The following NADK variants were observed in gnomAD, a reference collection of about 807,000 sequenced individuals.
NADK encodes the protein NAD kinase.
A neutral mutation model predicts 49.8 loss-of-function variants in NADK; 22 were observed. The observed-to-expected ratio is 0.44, with a 90% CI of 0.32 to 0.63. NADK has a LOEUF of 0.63. NADK is among the 30% of genes least tolerant of loss of function. NADK has a pLI of 0.06. For missense variants in NADK, 438 were observed against 609.4 expected (o/e 0.72, Z 2.96); for synonymous variants, 268 against 253.7 (o/e 1.06, Z -0.54).
intron 3 of NADK, among the ~76,000 whole-genome samples, chr1:1,757,574 G>A (rs1021421077): frequency 2.0e-5 from 3 of 151,756 alleles, no homozygotes; most frequent in African/African-American, 4.8e-5. Context: ...CGGGCACCAC[G>A]CTGACCCAAG....
At chr1:1,753,782 G>A (rs909594130) in intron 10 of NADK, 133 bp from the exon 11 acceptor site, 42 of 847,418 alleles carry the variant, frequency 5.0e-5, no homozygotes, top group Admixed American at 1.7e-4. Flanking sequence ...TGCAGTGCAC[G>A]TCCTACAGGC....
intron 7 of NADK, among the ~76,000 whole-genome samples, chr1:1,755,129 T>TG (rs1039148229): frequency 5.3e-5 from 8 of 152,292 alleles, no homozygotes; most frequent in African/African-American, 1.9e-4. Context: ...GACACTTCTG[T>TG]GCCTTCTGAG....
chr1:1,761,962 G>A lies in NADK; in HGVS notation c.253C>T (p.Gln85Ter). The A allele has an allele frequency of 6.2e-7, 1 of 1,613,858 alleles. No individual in the cohort carries two copies. Among genetic ancestry groups the A allele is most frequent in the Non-Finnish European group, 8.5e-7 (1 of 1,179,880 alleles). Residue 85 changes from glutamine (Q) to a stop codon, truncating the protein, a stop_gained, in exon 3 of 12, where the codon CAG (glutamine) becomes TAG (stop). Transcript: ENST00000341426. LOFTEE classifies it high-confidence loss of function. ...GGCCCCAGCACTCACATGATGGTCTGGGGGTTCTGCAGCACACAGGCCTTT... is the reference window on the plus strand; with the variant it reads ...GGCCCCAGCACTCACATGATGGTCTAGGGGTTCTGCAGCACACAGGCCTTT... ...GPKACVLQNP[Q>*]TIMHIQDPAS...
At chr1:1,777,703 A>G (rs372008120) in intron 1 of NADK, among the ~76,000 whole-genome samples, 2 of 151,848 alleles carry the variant, frequency 1.3e-5, no homozygotes, top group African/African-American at 4.8e-5. Flanking sequence ...CACAATTAAG[A>G]AAAAAAACGA....
intron 2 of NADK, among the ~76,000 whole-genome samples, chr1:1,764,643 G>A (rs1239366326): frequency 3.3e-5 from 5 of 152,106 alleles, no homozygotes; most frequent in Admixed American, 6.6e-5. Flanking sequence ...GGCTTGCACC[G>A]GTAATCCCAG....
chr1:1,759,827 G>A (rs758412133), intron 3 of NADK: 33 of 1,552,008 alleles, frequency 2.1e-5, no homozygotes, highest in African/African-American at 9.6e-5. Context: ...GCACCTGTCC[G>A]GTGACCCCGC....
intron 10 of NADK, among the ~76,000 whole-genome samples, 170 bp downstream of exon 10, chr1:1,753,881 G>A (rs1196644825): frequency 6.6e-6 from 1 of 152,222 alleles, no homozygotes; most frequent in Non-Finnish European, 1.5e-5. Context: ...CAGAACTCGG[G>A]CACCAGCAAG....
At chr1:1,775,269 C>A (rs1431714318) in intron 1 of NADK, among the ~76,000 whole-genome samples, 2 of 152,172 alleles carry the variant, frequency 1.3e-5, no homozygotes, top group East Asian at 3.8e-4. Flanking sequence ...GTCACACACA[C>A]ACAAATACAA....
rs190339295 is a variant in NADK at position 1,765,505 on chromosome 1, T to C, written c.-40-59A>G. On this transcript the variant is annotated intron_variant, in intron 1 of 11. Coordinates refer to ENST00000341426, the MANE Select transcript of NADK (RefSeq NM_023018.5). ...TAAATAAATATGTATGAAACAATAATAATTTACACATACATATGTTCCATT... is the reference window on the plus strand; with the variant it reads ...TAAATAAATATGTATGAAACAATAACAATTTACACATACATATGTTCCATT... The C allele has an allele frequency of 1.2e-4, 100 of 853,566 alleles. No homozygotes were observed. In the African/African-American group the frequency reaches 1.6e-3, roughly 13 times the overall value. The allele number at this position is 853,566 out of a possible 1,614,324, so 52.9% of individuals were successfully genotyped here.
In NADK at chr1:1,756,299, CCAGG is replaced by C; in HGVS notation, c.540_543del (p.Cys180TrpfsTer32). The C allele has an allele frequency of 6.2e-7, 1 of 1,614,190 alleles. No individual in the cohort carries two copies. The highest frequency in any genetic ancestry group is 1.1e-5 in the South Asian group (1 of 91,090). On this transcript the variant is annotated frameshift_variant, in exon 6 of 12. Transcript: ENST00000341426. LOFTEE classifies it high-confidence loss of function. ...GCGTACAGCAGCGTCCCGTCTCCCC[CCAGG>C]CAGATGATGAAGTCTATCTGATTGG...
intron 3 of NADK, chr1:1,758,792 G>C (rs2100306599): frequency 2.2e-6 from 1 of 454,016 alleles, no homozygotes; most frequent in East Asian, 1.5e-4. Flanking sequence ...GCTCCTAACT[G>C]AGCCGGGTGG....
intron 1 of NADK, among the ~76,000 whole-genome samples, chr1:1,769,233 C>T (rs1645973831): frequency 6.6e-6 from 1 of 152,196 alleles, no homozygotes; most frequent in Non-Finnish European, 1.5e-5. Flanking sequence ...GCCTGGCCAA[C>T]ATGATGAAAC....
In NADK at chr1:1,752,556, C is replaced by T. The variant is rs1254179710; in HGVS notation, c.*348G>A. 9.2e-6 allele frequency: 2 copies of T among 216,698 alleles called. No individual in the cohort carries two copies. The highest frequency in any genetic ancestry group is 1.1e-4 in the East Asian group (1 of 9,486). The allele number at this position is 216,698 out of a possible 1,614,324, so 13.4% of individuals were successfully genotyped here. ...TTATTATCAACATTGAAGGACAGGT[C>T]GAGTCATTCTGACTCCTCTGAATTT... On this transcript the variant is annotated 3_prime_UTR_variant, in exon 12 of 12. Transcript: ENST00000341426.
intron 1 of NADK, among the ~76,000 whole-genome samples, chr1:1,772,661 C>T (rs1244877217): frequency 6.6e-6 from 1 of 151,834 alleles, no homozygotes; most frequent in South Asian, 2.1e-4. Flanking sequence ...ACTGGTGAAA[C>T]CTGAATAAGG....
At chr1:1,777,313 T>A (rs1646240767) in intron 1 of NADK, among the ~76,000 whole-genome samples, 2 of 152,062 alleles carry the variant, frequency 1.3e-5, no homozygotes, top group Admixed American at 6.6e-5. Flanking sequence ...AGGACAATGT[T>A]CAGGGGAATA....
chr1:1,753,550 C>T lies in NADK; in HGVS notation c.1184+17G>A, dbSNP rs368173376. 5.7e-5 allele frequency: 92 copies of T among 1,606,184 alleles called. 1 individual carries two copies. The highest frequency in any genetic ancestry group is 4.9e-4 in the South Asian group (44 of 90,074). ...GGAGGTTGGCAGGCAGCGCCCAGCCCGGCATGCAGCCCACACCTGTCTCCA... is the reference window on the plus strand; with the variant it reads ...GGAGGTTGGCAGGCAGCGCCCAGCCTGGCATGCAGCCCACACCTGTCTCCA... On this transcript the variant is annotated intron_variant, in intron 11 of 11. Coordinates refer to ENST00000341426, the MANE Select transcript of NADK (RefSeq NM_023018.5).
chr1:1,765,522 T>C (rs1645859525), intron 1 of NADK, 76 bp from the exon 2 acceptor site: 1 of 736,960 alleles, frequency 1.4e-6, no homozygotes, highest in Non-Finnish European at 2.0e-6. Flanking sequence ...CACATACATA[T>C]GTTCCATTTC....
At position 1,763,206 on chromosome 1, in the gene NADK, C is replaced by T. The variant is rs560786133; in HGVS notation, c.180-1171G>A. 4.6e-5 allele frequency among the ~76,000 whole-genome samples: 7 copies of T among 152,350 alleles called. No homozygotes were observed. In the East Asian group the frequency reaches 5.8e-4, roughly 13 times the overall value. The stretch of plus-strand genomic sequence containing the variant: ...CTTTTAAAAATTGGTAAGTACAGGC[C>T]GGGTGCAGTGACTCACGCCTGTAAT... On this transcript the variant is annotated intron_variant, in intron 2 of 11. Transcript: ENST00000341426.
In NADK at chr1:1,756,250, C is replaced by G. The variant is rs189439310; in HGVS notation, c.585+8G>C. 15 of 1,613,346 alleles carry G rather than the reference C, an allele frequency of 9.3e-6. No homozygotes were observed. Among genetic ancestry groups the G allele is most frequent in the Non-Finnish European group, 1.3e-5 (15 of 1,179,324 alleles). The stretch of plus-strand genomic sequence containing the variant: ...CCTGGTGTGGGTCTGGAAATGTCAG[C>G]GCTTCACCTGGAAAAGCGAGGAAGC... On this transcript the variant is annotated splice_region_variant and intron_variant, in intron 6 of 11. Transcript: ENST00000341426.
Sources: allele counts gnomAD v4.1 joint callset (sites outside exome capture counted in the v4.1 genomes callset), GRCh38; gene constraint gnomAD v4.1.1; transcripts MANE v1.5; gene names NCBI Gene and HGNC (gene_info 2026-07-23, HGNC 2026-07-21).